Variants in RUNX1T1 observed in about 807,000 individuals in gnomAD.
RUNX1T1 encodes the protein protein CBFA2T1.
RUNX1T1 carries 4 observed loss-of-function variants against 62.8 expected under a neutral mutation model. The ratio of observed to expected loss-of-function variants is 0.06; its 90% CI spans 0.03 to 0.15. The LOEUF (loss-of-function observed/expected upper bound fraction) is 0.15. Ranked by LOEUF, RUNX1T1 falls within the 10% of genes least tolerant of loss-of-function variation. RUNX1T1 has a pLI of 1.00. For missense variants in RUNX1T1, 508 were observed against 754.3 expected, an observed-to-expected ratio of 0.67 and a Z score of 3.82; for synonymous variants, 291 against 286.0, an observed-to-expected ratio of 1.02 and a Z score of -0.18.
chr8:92,068,705 G>GA (rs1563891839), intron 2 of RUNX1T1, among the ~76,000 whole-genome samples: 1 of 152,036 alleles, frequency 6.6e-6, no homozygotes, highest in African/African-American at 2.4e-5. Context: ...GACTGCAGGA[G>GA]AAAAAAAGAA....
At chr8:92,000,620 A>G (rs1207256557) in intron 5 of RUNX1T1, among the ~76,000 whole-genome samples, 1 of 152,168 alleles carries the variant, frequency 6.6e-6, no homozygotes, top group South Asian at 2.1e-4. Context: ...AAAAAAATGG[A>G]CCTATTCAGT....
At chr8:92,100,415 T>C (rs1314638502), upstream of RUNX1T1, among the ~76,000 whole-genome samples, 1 of 152,234 alleles carries the variant, frequency 6.6e-6, no homozygotes, top group Non-Finnish European at 1.5e-5. Flanking sequence ...ATAATAAAAT[T>C]ATTAATGACT....
chr8:92,005,145 G>A (rs370870343), exon 5 of RUNX1T1: 27 of 1,611,552 alleles, frequency 1.7e-5, no homozygotes, highest in African/African-American at 4.0e-5. Flanking sequence ...TCCCGTTTTC[G>A]TTCACATCGA....
Position 91,991,253 on chromosome 8 carries a change from C to A in RUNX1T1, c.910+386G>T, listed in dbSNP as rs77319815. On this transcript the variant is annotated intron_variant, in intron 6 of 10. Transcript: ENST00000396218. The stretch of plus-strand genomic sequence containing the variant: ...ACTATCTGAAACAAAAGATACAACA[C>A]AAGAAAATCAAGTGATTTTTAAAAA... Among the ~76,000 whole-genome samples, 7 of 152,188 alleles carry A rather than the reference C, an allele frequency of 4.6e-5. No individual in the cohort carries two copies. In the East Asian group the frequency reaches 1.4e-3, roughly 30 times the overall value.
At chr8:92,060,553 A>ATATATATATATATATATATATGTG in intron 1 of RUNX1T1, among the ~76,000 whole-genome samples, 1 of 63,974 alleles carries the variant, frequency 1.6e-5, no homozygotes, top group African/African-American at 5.8e-5. Context: ...ATATATATAT[A>ATATATATATATATATATATATGTG]TGTGTGTGTG....
intron 10 of RUNX1T1, among the ~76,000 whole-genome samples, chr8:91,970,061 GAAT>G (rs917884263): frequency 1.4e-4 from 19 of 138,980 alleles, no homozygotes; most frequent in African/African-American, 6.4e-4. Flanking sequence ...GTGTGTGTGA[GAAT>G]TATTATACTG....
chr8:92,047,946 T>C lies in RUNX1T1; in HGVS notation c.7+14600A>G, dbSNP rs117101487. Among the ~76,000 whole-genome samples the C allele has an allele frequency of 3.6e-3, 554 of 152,322 alleles. 2 individuals are homozygous for C. Among genetic ancestry groups the C allele is most frequent in the Non-Finnish European group, 5.8e-3 (394 of 68,038 alleles). ...ATGGAAAGGATGCATGTCAGGGATC[T>C]GAGCTTTGAGCAGCTGAGTAGTCCT... is the stretch of plus-strand genomic sequence containing the variant. On this transcript the variant is annotated intron_variant, in intron 1 of 10. Coordinates refer to ENST00000396218, the Ensembl canonical transcript of RUNX1T1.
intron 1 of RUNX1T1, among the ~76,000 whole-genome samples, chr8:92,060,659 C>T (rs1248239351): frequency 6.7e-6 from 1 of 150,310 alleles, no homozygotes; most frequent in Admixed American, 6.7e-5. Flanking sequence ...ATCTTCTACA[C>T]ATAATGTCTT....
upstream of RUNX1T1, chr8:92,099,837 C>T (rs182546129): frequency 4.5e-3 from 783 of 174,260 alleles, 6 homozygotes; most frequent in Non-Finnish European, 7.0e-3. Flanking sequence ...TCTTGTGATC[C>T]TTTTTCAGTG....
intron 4 of RUNX1T1, among the ~76,000 whole-genome samples, chr8:92,007,821 C>A (rs868598658): frequency 1.3e-5 from 2 of 151,796 alleles, no homozygotes; most frequent in Admixed American, 6.6e-5. Flanking sequence ...AATACAAAAT[C>A]GGTTGGATGC....
intron 1 of RUNX1T1, among the ~76,000 whole-genome samples, chr8:92,054,316 T>C (rs1049150638): frequency 2.6e-5 from 4 of 152,112 alleles, no homozygotes; most frequent in East Asian, 1.9e-4. Context: ...CTATCAAGCA[T>C]AGGCAAAACT....
chr8:91,959,244 C>G, exon 11 of RUNX1T1: 1 of 217,432 alleles, frequency 4.6e-6, no homozygotes, highest in African/African-American at 2.2e-5. Context: ...CTGAAGCCAC[C>G]ATTTTTAAAA....
At chr8:92,074,568 C>CAA (rs1834151156) in intron 2 of RUNX1T1, among the ~76,000 whole-genome samples, 1 of 152,146 alleles carries the variant, frequency 6.6e-6, no homozygotes, top group Non-Finnish European at 1.5e-5. Context: ...TGGAAGATGA[C>CAA]AAGAAAACAA....
At chr8:92,096,088 G>A (rs577977567) in intron 1 of RUNX1T1, among the ~76,000 whole-genome samples, 2 of 152,252 alleles carry the variant, frequency 1.3e-5, no homozygotes, top group African/African-American at 4.8e-5. Flanking sequence ...TCCAGCCCCT[G>A]CACATTCACA....
At chr8:91,980,547 A>G (rs1368079545) in intron 8 of RUNX1T1, among the ~76,000 whole-genome samples, 1 of 152,234 alleles carries the variant, frequency 6.6e-6, no homozygotes, top group African/African-American at 2.4e-5. Flanking sequence ...GCTTAGAAGT[A>G]CTTTGTAGAT....
chr8:92,014,833 C>T lies in RUNX1T1; in HGVS notation c.146-13G>A, dbSNP rs1320024071. On this transcript the variant is annotated splice_polypyrimidine_tract_variant and intron_variant, in intron 2 of 10. Transcript: ENST00000396218. ...GTGCCATTAGTTACTGTCAAGAGCA[C>T]AAAATCAGAAGGAAGTCATAAACTT... 6.3e-7 allele frequency: 1 copy of T among 1,585,016 alleles called. No homozygotes were observed. The highest frequency in any genetic ancestry group is 1.4e-5 in the African/African-American group (1 of 74,072).
At chr8:92,061,214 T>C (rs1011446345) in intron 1 of RUNX1T1, among the ~76,000 whole-genome samples, 3 of 152,192 alleles carry the variant, frequency 2.0e-5, no homozygotes, top group Non-Finnish European at 2.9e-5. Flanking sequence ...CTCTTCAAAA[T>C]GCTGATAAAT....
At chr8:92,066,306 C>T (rs757463616), upstream of RUNX1T1, among the ~76,000 whole-genome samples, 32 of 152,174 alleles carry the variant, frequency 2.1e-4, no homozygotes, top group Non-Finnish European at 3.2e-4. Context: ...CAGATTTCTC[C>T]GCTTGCTTGT....
upstream of RUNX1T1, among the ~76,000 whole-genome samples, chr8:92,065,230 C>T (rs1803693419): frequency 2.0e-5 from 3 of 152,028 alleles, no homozygotes; most frequent in South Asian, 6.2e-4. Flanking sequence ...CTCTAACATC[C>T]AAATTGTATA....
Sources: gnomAD v4.1 joint callset for allele counts (sites outside exome capture counted in the v4.1 genomes callset) on GRCh38, gnomAD v4.1.1 for gene constraint, MANE v1.5 for transcripts, NCBI Gene and HGNC (gene_info 2026-07-23, HGNC 2026-07-21) for gene names.